Variants in PHAF1 observed in about 807,000 individuals in gnomAD.
PHAF1 encodes phagophore assembly factor 1, also known as phagosome assembly factor 1.
A neutral mutation model predicts 63.1 loss-of-function variants in PHAF1; 23 were observed. The ratio of observed to expected loss-of-function variants is 0.36; its 90% CI spans 0.26 to 0.52. PHAF1 has a LOEUF of 0.52. Ranked by LOEUF, PHAF1 falls within the 20% of genes least tolerant of loss-of-function variation. The pLI is 0.93. For missense variants in PHAF1, 427 were observed against 517.2 expected (o/e 0.83, Z 1.69); for synonymous variants, 167 against 185.0 (o/e 0.90, Z 0.79).
At chr16:67,144,445 T>C in intron 11 of PHAF1, 69 bp downstream of exon 11, 1 of 1,192,692 alleles carries the variant, frequency 8.4e-7, no homozygotes, top group South Asian at 1.3e-5. Context: ...GGAAAGAGCT[T>C]TTGGCTTTGG....
chr16:67,139,257 C>T (rs1418824162), intron 8 of PHAF1, among the ~76,000 whole-genome samples: 1 of 151,332 alleles, frequency 6.6e-6, no homozygotes, highest in Non-Finnish European at 1.5e-5. Flanking sequence ...TTGCATCTTA[C>T]CATAGTTGTG....
intron 2 of PHAF1, among the ~76,000 whole-genome samples, chr16:67,124,792 A>G (rs1436744148): frequency 6.6e-6 from 1 of 151,504 alleles, no homozygotes; most frequent in Non-Finnish European, 1.5e-5. Context: ...AGTCCCAGCT[A>G]CTCGGGAGGC....
At chr16:67,132,087 G>C in intron 4 of PHAF1, 1 of 173,728 alleles carries the variant, frequency 5.8e-6, no homozygotes, top group Non-Finnish European at 1.2e-5. Flanking sequence ...TGCTGATAGA[G>C]GAGTAGACAA....
intron 3 of PHAF1, 101 bp downstream of exon 3, chr16:67,126,143 G>T (rs1165974366): frequency 1.4e-5 from 12 of 884,002 alleles, no homozygotes; most frequent in Non-Finnish European, 2.2e-5. Context: ...CTTATAAGTA[G>T]GTGTGGACTT....
intron 12 of PHAF1, 138 bp from the exon 13 acceptor site, chr16:67,145,238 C>A: frequency 1.0e-6 from 1 of 969,514 alleles, no homozygotes; most frequent in Non-Finnish European, 1.6e-6. Flanking sequence ...CACCCTGGAA[C>A]TCCAAAACAG....
At chr16:67,130,017 A>T (rs1325759979) in intron 3 of PHAF1, among the ~76,000 whole-genome samples, 5 of 152,132 alleles carry the variant, frequency 3.3e-5, no homozygotes, top group Non-Finnish European at 4.4e-5. Flanking sequence ...TGTTTTGTAA[A>T]CAAAATCAAC....
intron 2 of PHAF1, among the ~76,000 whole-genome samples, chr16:67,124,796 G>A (rs891163337): frequency 2.0e-5 from 3 of 152,022 alleles, no homozygotes; most frequent in Non-Finnish European, 4.4e-5. Flanking sequence ...CCAGCTACTC[G>A]GGAGGCTGAG....
At chr16:67,137,805 G>C (rs1963665659) in intron 8 of PHAF1, among the ~76,000 whole-genome samples, 2 of 152,140 alleles carry the variant, frequency 1.3e-5, no homozygotes, top group African/African-American at 4.8e-5. Context: ...CTGCCACCTT[G>C]TACAGCACAT....
intron 6 of PHAF1, among the ~76,000 whole-genome samples, chr16:67,133,609 C>T (rs935030196): frequency 2.0e-5 from 3 of 151,598 alleles, no homozygotes; most frequent in African/African-American, 7.3e-5. Flanking sequence ...GAAACCCCGT[C>T]TCTATTAAAA....
rs760265348 is a variant in PHAF1, at chr16:67,131,297, A to G, written c.243A>G (p.Val81=). 2 of 1,591,778 alleles carry G rather than the reference A, an allele frequency of 1.3e-6. No homozygotes were observed. The highest frequency in any genetic ancestry group is 2.3e-5 in the South Asian group (2 of 87,848). ...AAACTTTTTTTTAGGTGATCGAAGT[A>G]TGTGATTTGACTAAAGTAAAGTTAA... is the stretch of plus-strand genomic sequence containing the variant. The part of the protein sequence containing the change: ...AFNQRLKVIE[V]CDLTKVKLKY... Residue 81 remains valine (V), a synonymous_variant, in exon 4 of 16, where the codon GTA becomes GTG. Transcript: ENST00000219139.
chr16:67,125,880 C>G, intron 2 of PHAF1, 79 bp from the exon 3 acceptor site: 1 of 1,020,828 alleles, frequency 9.8e-7, no homozygotes, highest in Non-Finnish European at 1.5e-6. Flanking sequence ...TTGTGTGTTG[C>G]ATTTGTATTG....
In PHAF1 at chr16:67,120,525, G is replaced by A. The variant is rs568953061; in HGVS notation, c.147+331G>A. ...TTTAGAGTGCTTACCTTCCACTTCCGTGTTTAAAATTGTCTTTTCTGCTTT... is the reference window on the plus strand; with the variant it reads ...TTTAGAGTGCTTACCTTCCACTTCCATGTTTAAAATTGTCTTTTCTGCTTT... On this transcript the variant is annotated intron_variant, in intron 2 of 15. Transcript: ENST00000219139. 7.1e-4 allele frequency among the ~76,000 whole-genome samples: 107 copies of A among 151,478 alleles called. 1 individual carries two copies. Among genetic ancestry groups the A allele is most frequent in the Non-Finnish European group, 1.1e-3 (73 of 67,914 alleles).
intron 2 of PHAF1, among the ~76,000 whole-genome samples, chr16:67,123,088 CTT>C (rs150061453): frequency 4.8e-4 from 66 of 136,366 alleles, no homozygotes; most frequent in Admixed American, 5.2e-4. Context: ...TGATCTGATG[CTT>C]TTTTTTTTTT....
chr16:67,126,384 A>T (rs1325700022), intron 3 of PHAF1, among the ~76,000 whole-genome samples: 2 of 152,164 alleles, frequency 1.3e-5, no homozygotes, highest in African/African-American at 4.8e-5. Flanking sequence ...TCTTTTGTCA[A>T]ACACTGTAAC....
chr16:67,133,501 T>TA (rs757439473), intron 6 of PHAF1, among the ~76,000 whole-genome samples: 8,166 of 99,716 alleles, frequency 0.082, 592 homozygotes, highest in African/African-American at 0.22. Flanking sequence ...CCAAAAATAT[T>TA]AAAAAAAAAA....
chr16:67,112,979 G>A lies in PHAF1; in HGVS notation c.64+2740G>A, dbSNP rs974800402. On this transcript the variant is annotated intron_variant, in intron 1 of 15. Transcript: ENST00000219139. Reference sequence around the variant, plus strand: ...GGGCTGTTAGGTAGGGATAGGTCTCGGAAGGGAATCTGCTTTAGAATTACA... The same window carrying A: ...GGGCTGTTAGGTAGGGATAGGTCTCAGAAGGGAATCTGCTTTAGAATTACA... 1.2e-4 allele frequency among the ~76,000 whole-genome samples: 18 copies of A among 152,174 alleles called. 1 individual carries two copies. Among genetic ancestry groups the A allele is most frequent in the Admixed American group, 9.2e-4 (14 of 15,276 alleles).
At chr16:67,129,943 C>A (rs1963326143) in intron 3 of PHAF1, among the ~76,000 whole-genome samples, 1 of 152,222 alleles carries the variant, frequency 6.6e-6, no homozygotes, top group South Asian at 2.1e-4. Flanking sequence ...TGAATACTGT[C>A]ACACTTGTGT....
chr16:67,147,246 G>A lies in PHAF1; in HGVS notation c.*115G>A. 1 of 1,003,554 alleles carries A rather than the reference G, an allele frequency of 1.0e-6. No individual in the cohort carries two copies. Among genetic ancestry groups the A allele is most frequent in the Non-Finnish European group, 1.5e-6 (1 of 662,362 alleles). The allele number at this position is 1,003,554 out of a possible 1,614,324, so 62.2% of individuals were successfully genotyped here. A position where few individuals can be genotyped will look rare whatever the true frequency, so the allele number is the denominator to read the frequency against. ...GACACCTGGCCAGTGCTGAAGGGCT[G>A]TTGTGATGTTCTGAGGTTGGGCTCA... On this transcript the variant is annotated 3_prime_UTR_variant, in exon 16 of 16. Coordinates refer to ENST00000219139, the MANE Select transcript of PHAF1 (RefSeq NM_025187.5).
intron 12 of PHAF1, among the ~76,000 whole-genome samples, 155 bp downstream of exon 12, chr16:67,145,032 T>C (rs1289592180): frequency 1.3e-5 from 2 of 152,128 alleles, no homozygotes; most frequent in Non-Finnish European, 2.9e-5. Context: ...GGGGCTGCAG[T>C]GTTCTTGGTC....
Sources: gnomAD v4.1 joint callset for allele counts (sites outside exome capture counted in the v4.1 genomes callset) on GRCh38, gnomAD v4.1.1 for gene constraint, MANE v1.5 for transcripts, NCBI Gene and HGNC (gene_info 2026-07-23, HGNC 2026-07-21) for gene names.